Variants in PGM1 observed in about 807,000 individuals in gnomAD.
PGM1 encodes the protein phosphoglucomutase 1.
A neutral mutation model predicts 55.6 loss-of-function variants in PGM1; 52 were observed. The observed-to-expected ratio is 0.94, with a 90% CI of 0.75 to 1.18. The LOEUF (loss-of-function observed/expected upper bound fraction) is 1.18. PGM1 is among the 50% of genes most tolerant of loss of function. The pLI is 0.00. For synonymous variants in PGM1, 287 were observed against 271.7 expected, an observed-to-expected ratio of 1.06 and a Z score of -0.55; for missense variants, 724 against 729.3, an observed-to-expected ratio of 0.99 and a Z score of 0.08.
At chr1:63,601,243 A>G (rs1648234670) in intron 1 of PGM1, among the ~76,000 whole-genome samples, 1 of 152,224 alleles carries the variant, frequency 6.6e-6, no homozygotes, top group African/African-American at 2.4e-5. Flanking sequence ...CTATTTAGTT[A>G]TGGTAATGAG....
At chr1:63,624,871 A>G (rs552584183) in intron 1 of PGM1, among the ~76,000 whole-genome samples, 1 of 152,340 alleles carries the variant, frequency 6.6e-6, no homozygotes, top group South Asian at 2.1e-4. Context: ...GTTGTTTATA[A>G]TTAGAGTTTT....
At chr1:63,626,400 A>C (rs992886268) in intron 1 of PGM1, among the ~76,000 whole-genome samples, 5 of 152,240 alleles carry the variant, frequency 3.3e-5, no homozygotes, top group African/African-American at 1.2e-4. Context: ...GCCTCTGGTA[A>C]CCTCTGTACT....
rs1649123891 is a variant in PGM1 at position 63,629,300 on chromosome 1, T to C, written c.247-125T>C. 3 of 835,516 alleles carry C rather than the reference T, an allele frequency of 3.6e-6. No homozygotes were observed. The African/African-American group carries it at 5.1e-5, about 14-fold the overall frequency. 51.8% of individuals were successfully genotyped at this position (835,516 alleles called of 1,614,324 possible). ...TGCAGATTTTTATTAAATAAAATCTTTTCTTGTCCAACAGATTATTACTAT... is the reference window on the plus strand; with the variant it reads ...TGCAGATTTTTATTAAATAAAATCTCTTCTTGTCCAACAGATTATTACTAT... On this transcript the variant is annotated intron_variant, in intron 1 of 10. Transcript: ENST00000371084.
intron 1 of PGM1, among the ~76,000 whole-genome samples, chr1:63,615,613 A>C (rs1036818741): frequency 1.7e-5 from 2 of 114,296 alleles, no homozygotes; most frequent in Non-Finnish European, 3.2e-5. Context: ...CCCAGGCTGG[A>C]GTGCAGTGGC....
intron 7 of PGM1, among the ~76,000 whole-genome samples, chr1:63,643,176 A>G (rs893244293): frequency 6.6e-6 from 1 of 152,212 alleles, no homozygotes; most frequent in Non-Finnish European, 1.5e-5. Context: ...GTCTGGGGAT[A>G]GCCTAGACAG....
intron 1 of PGM1, among the ~76,000 whole-genome samples, chr1:63,609,736 A>C (rs1314926304): frequency 6.6e-6 from 1 of 152,184 alleles, no homozygotes. Flanking sequence ...CCAATAATGT[A>C]CAATACAGGG....
chr1:63,593,516 C>T lies in PGM1; in HGVS notation c.28C>T (p.Gln10Ter), dbSNP rs773189460. ...GGTGAAGATCGTGACAGTTAAGACC[C>T]AGGCGTACCAGGACCAGAAGCCGGG... MVKIVTVKT[Q>*]AYQDQKPGTS... Residue 10 changes from glutamine to a stop codon, truncating the protein, a stop_gained, in exon 1 of 11, where the codon CAG becomes TAG. Transcript: ENST00000371084. LOFTEE classifies it high-confidence loss of function. 11 of 1,613,754 alleles carry T rather than the reference C, an allele frequency of 6.8e-6. No homozygotes were observed. Among genetic ancestry groups the T allele is most frequent in the Admixed American group, 1.7e-5 (1 of 60,004 alleles).
In PGM1 at chr1:63,656,480, T is replaced by C. The variant is rs192603633; in HGVS notation, c.1599+2014T>C. Among the ~76,000 whole-genome samples the C allele has an allele frequency of 9.5e-4, 144 of 152,324 alleles. 1 individual carries two copies. The highest frequency in any genetic ancestry group is 3.9e-4 in the Admixed American group (6 of 15,306). On this transcript the variant is annotated intron_variant, in intron 10 of 10. Transcript: ENST00000371084. Reference sequence around the variant, plus strand: ...CTGAAATAAATATGTCAAAGAGATATCTGTTCTCTCTTGTTCATTCAATAT... The same window carrying C: ...CTGAAATAAATATGTCAAAGAGATACCTGTTCTCTCTTGTTCATTCAATAT...
intron 1 of PGM1, among the ~76,000 whole-genome samples, chr1:63,614,608 G>A (rs902828299): frequency 3.9e-5 from 6 of 152,288 alleles, no homozygotes; most frequent in East Asian, 3.9e-4. Context: ...GACAGACTGC[G>A]TATGACCTGG....
At chr1:63,627,064 CCCACA>C (rs1437279399) in intron 1 of PGM1, among the ~76,000 whole-genome samples, 65 of 130,840 alleles carry the variant, frequency 5.0e-4, no homozygotes, top group East Asian at 4.8e-3. Context: ...CCCCCCCCCC[CCCACA>C]CACACACACA....
intron 10 of PGM1, among the ~76,000 whole-genome samples, chr1:63,655,061 T>C (rs1409564153): frequency 1.3e-5 from 2 of 151,460 alleles, no homozygotes; most frequent in Non-Finnish European, 2.9e-5. Flanking sequence ...ATCCACCTTC[T>C]GGGCTCAAGC....
At chr1:63,593,817 C>G in intron 1 of PGM1, 83 bp downstream of exon 1, 1 of 1,336,162 alleles carries the variant, frequency 7.5e-7, no homozygotes, top group Non-Finnish European at 9.5e-7. Context: ...TCGCTCGGGG[C>G]CGGCCGCTTC....
chr1:63,647,257 TACATATATATATATATA>T (rs1450004422), intron 7 of PGM1, among the ~76,000 whole-genome samples: 794 of 71,138 alleles, frequency 0.011, 31 homozygotes, highest in Non-Finnish European at 0.015. Context: ...AATAAAATTT[TACATATATATATATATA>T]TATATATATA....
In PGM1 at chr1:63,611,589, G is replaced by A. The variant is rs528055793; in HGVS notation, c.247-17836G>A. On this transcript the variant is annotated intron_variant, in intron 1 of 10. Transcript: ENST00000371084. ...GGCCCTGAGGGAAGGGAGGATTTTGGAGACAGGATCAAAAACCTAAAAAGC... is the reference window on the plus strand; with the variant it reads ...GGCCCTGAGGGAAGGGAGGATTTTGAAGACAGGATCAAAAACCTAAAAAGC... 3.0e-4 allele frequency among the ~76,000 whole-genome samples: 45 copies of A among 152,248 alleles called. 1 individual carries two copies. In the South Asian group the frequency reaches 7.9e-3, roughly 27 times the overall value.
In PGM1 at chr1:63,615,550, C is replaced by CTTTTTTTTTTTT. The variant is rs1161161385; in HGVS notation, c.247-13856_247-13845dup. Among the ~76,000 whole-genome samples the CTTTTTTTTTTTT allele has an allele frequency of 2.0e-3, 129 of 62,988 alleles. 13 individuals carry two copies. The highest frequency in any genetic ancestry group is 5.3e-3 in the African/African-American group (78 of 14,826). 41.3% of individuals were successfully genotyped at this position (62,988 alleles called of 152,430 possible). A position where few individuals can be genotyped will look rare whatever the true frequency, so the allele number is the denominator to read the frequency against. On this transcript the variant is annotated intron_variant, in intron 1 of 10. Transcript: ENST00000371084. ...CCATTTCTCTCCTCTTCTTCTTCTT[C>CTTTTTTTTTTTT]TTTTTTTTTTTTTTTTTTTTTTTTT...
At chr1:63,629,142 G>C (rs565591940) in intron 1 of PGM1, among the ~76,000 whole-genome samples, 2 of 152,256 alleles carry the variant, frequency 1.3e-5, no homozygotes, top group East Asian at 1.9e-4. Flanking sequence ...TTAATATGCT[G>C]TGTTTTCATG....
At chr1:63,654,245 A>G in intron 9 of PGM1, 87 bp from the exon 10 acceptor site, 1 of 1,339,652 alleles carries the variant, frequency 7.5e-7, no homozygotes. Flanking sequence ...TATGGATGAA[A>G]TTACATCCCC....
chr1:63,623,623 G>A (rs1279926648), intron 1 of PGM1: 1 of 1,612,754 alleles, frequency 6.2e-7, no homozygotes, highest in Admixed American at 1.7e-5. Flanking sequence ...ATGCTATCTG[G>A]AGAATTTCAT....
At chr1:63,613,490 G>A (rs1332132957) in intron 1 of PGM1, among the ~76,000 whole-genome samples, 3 of 151,900 alleles carry the variant, frequency 2.0e-5, no homozygotes, top group Non-Finnish European at 4.4e-5. Flanking sequence ...CTGGTGCAGT[G>A]TAACTTCAAT....
Sources: gnomAD v4.1 joint callset for allele counts (sites outside exome capture counted in the v4.1 genomes callset) on GRCh38, gnomAD v4.1.1 for gene constraint, MANE v1.5 for transcripts, NCBI Gene and HGNC (gene_info 2026-07-23, HGNC 2026-07-21) for gene names.